The following ERC2 variants were observed in gnomAD, a reference collection of about 807,000 sequenced individuals.
ERC2 encodes the protein ERC protein 2.
Under a neutral mutation model 114.8 loss-of-function variants are expected in ERC2, and 42 were observed. The ratio of observed to expected loss-of-function variants is 0.37; its 90% CI spans 0.29 to 0.47. ERC2 has a LOEUF of 0.47. Among genes scored for constraint, ERC2 ranks in the 20% least tolerant of loss-of-function variants. The pLI is 0.99. For missense variants in ERC2, 939 were observed against 1,150.7 expected (o/e 0.82, Z 2.66); for synonymous variants, 454 against 425.5 (o/e 1.07, Z -0.82).
intron 16 of ERC2, among the ~76,000 whole-genome samples, chr3:55,686,468 T>C (rs1041434343): frequency 3.9e-5 from 6 of 152,124 alleles, no homozygotes; most frequent in African/African-American, 1.4e-4. Context: ...GAGTGTCCGT[T>C]TGGGGAATAA....
chr3:55,979,630 T>C (rs1367172898), intron 12 of ERC2, among the ~76,000 whole-genome samples: 1 of 152,222 alleles, frequency 6.6e-6, no homozygotes, highest in African/African-American at 2.4e-5. Flanking sequence ...TATATTAACA[T>C]GGCTACCAAT....
intron 17 of ERC2, among the ~76,000 whole-genome samples, chr3:55,553,280 A>T (rs2055356155): frequency 6.6e-6 from 1 of 151,718 alleles, no homozygotes; most frequent in Non-Finnish European, 1.5e-5. Context: ...TCAGCCTCCC[A>T]AAGTGCTGGG....
At chr3:56,350,802 AT>A (rs753014616) in intron 2 of ERC2, among the ~76,000 whole-genome samples, 14 of 152,366 alleles carry the variant, frequency 9.2e-5, no homozygotes, top group South Asian at 2.1e-4. Context: ...CAAAAAGGCC[AT>A]GATTCTCATG....
chr3:55,971,832 C>T (rs1029917521), intron 12 of ERC2, among the ~76,000 whole-genome samples: 1 of 152,198 alleles, frequency 6.6e-6, no homozygotes, highest in Admixed American at 6.5e-5. Flanking sequence ...CTTCTGTACC[C>T]TTTATCTTCA....
intron 13 of ERC2, among the ~76,000 whole-genome samples, chr3:55,929,439 A>G (rs2065942102): frequency 6.6e-6 from 1 of 152,152 alleles, no homozygotes; most frequent in South Asian, 2.1e-4. Flanking sequence ...CAAGTTTTGT[A>G]TATTTTTTTC....
intron 14 of ERC2, among the ~76,000 whole-genome samples, chr3:55,865,135 A>C (rs908506196): frequency 2.0e-5 from 3 of 152,184 alleles, no homozygotes; most frequent in Admixed American, 6.5e-5. Flanking sequence ...TCTAGGTTAT[A>C]ACATAATGAC....
At chr3:56,305,057 A>G (rs1286478115) in intron 2 of ERC2, among the ~76,000 whole-genome samples, 2 of 152,142 alleles carry the variant, frequency 1.3e-5, no homozygotes, top group Non-Finnish European at 2.9e-5. Flanking sequence ...ATTATCATCA[A>G]TTGTATTATG....
intron 17 of ERC2, among the ~76,000 whole-genome samples, chr3:55,515,448 A>C (rs1475989647): frequency 6.6e-6 from 1 of 151,702 alleles, no homozygotes; most frequent in Non-Finnish European, 1.5e-5. Context: ...GCTCACTGCA[A>C]CCTCTGTCTC....
intron 15 of ERC2, among the ~76,000 whole-genome samples, chr3:55,733,542 T>TCTCTCTCTCTCACACA (rs377515133): frequency 9.3e-6 from 1 of 107,806 alleles, no homozygotes; most frequent in African/African-American, 3.7e-5. Context: ...TCTCTCTCTC[T>TCTCTCTCTCTCACACA]CACACACACA....
intron 17 of ERC2, among the ~76,000 whole-genome samples, chr3:55,660,224 C>T (rs1164623776): frequency 1.3e-5 from 2 of 152,112 alleles, no homozygotes; most frequent in Admixed American, 6.5e-5. Flanking sequence ...CACATCAACC[C>T]GCACCCCCAC....
At chr3:56,343,580 T>C (rs2058189891) in intron 2 of ERC2, among the ~76,000 whole-genome samples, 1 of 152,180 alleles carries the variant, frequency 6.6e-6, no homozygotes, top group Admixed American at 6.5e-5. Context: ...ATCACCTTAC[T>C]GCATTCCAGC....
At chr3:55,908,953 T>TAATA (rs1359145294) in intron 13 of ERC2, among the ~76,000 whole-genome samples, 2 of 152,194 alleles carry the variant, frequency 1.3e-5, no homozygotes, top group African/African-American at 4.8e-5. Context: ...GTCCCTCGAA[T>TAATA]AATAACACAT....
intron 5 of ERC2, among the ~76,000 whole-genome samples, chr3:56,141,945 C>T (rs1165198941): frequency 1.3e-5 from 2 of 152,104 alleles, no homozygotes; most frequent in African/African-American, 2.4e-5. Context: ...TATAGCCTTC[C>T]GAATGAAGTA....
At chr3:56,146,048 AG>A (rs1418178122) in intron 5 of ERC2, among the ~76,000 whole-genome samples, 1 of 152,154 alleles carries the variant, frequency 6.6e-6, no homozygotes, top group East Asian at 1.9e-4. Flanking sequence ...GCACTTTGGG[AG>A]GCTGAGGCAG....
rs572118144 is a variant in ERC2, at chr3:55,742,836, G to C, written c.2565-7918C>G. 9.4e-4 allele frequency among the ~76,000 whole-genome samples: 143 copies of C among 152,300 alleles called. 1 individual carries two copies. Among genetic ancestry groups the C allele is most frequent in the Middle Eastern group, 3.4e-3 (1 of 294 alleles). The stretch of plus-strand genomic sequence containing the variant: ...GCTGTGTTTTCAAATGGCATCTTGA[G>C]AAAGAAAAGTTCTTTGATATCAATT... On this transcript the variant is annotated intron_variant, in intron 14 of 17. Coordinates refer to ENST00000288221, the MANE Select transcript of ERC2 (RefSeq NM_015576.3).
chr3:56,220,852 T>C (rs2049853843), intron 3 of ERC2, among the ~76,000 whole-genome samples: 1 of 152,066 alleles, frequency 6.6e-6, no homozygotes, highest in African/African-American at 2.4e-5. Flanking sequence ...CTACTAAGAC[T>C]CTTAAGGTCG....
chr3:56,047,072 C>T (rs1233196240), intron 7 of ERC2, among the ~76,000 whole-genome samples: 1 of 152,128 alleles, frequency 6.6e-6, no homozygotes, highest in Non-Finnish European at 1.5e-5. Flanking sequence ...ATTCAGGGTC[C>T]CTTAAACTTT....
intron 15 of ERC2, among the ~76,000 whole-genome samples, chr3:55,726,751 C>T (rs1209830589): frequency 6.6e-6 from 1 of 152,026 alleles, no homozygotes; most frequent in Non-Finnish European, 1.5e-5. Flanking sequence ...TTTTTTTCTG[C>T]AAACCCCATG....
intron 7 of ERC2, among the ~76,000 whole-genome samples, chr3:56,032,889 G>GAAAGAAAGAAAGAA (rs1560055876): frequency 5.6e-5 from 5 of 88,590 alleles, no homozygotes; most frequent in African/African-American, 1.1e-4. Context: ...GAAAGAAAGA[G>GAAAGAAAGAAAGAA]AGAGAGAGAG....
Sources: allele counts gnomAD v4.1 joint callset (sites outside exome capture counted in the v4.1 genomes callset), GRCh38; gene constraint gnomAD v4.1.1; transcripts MANE v1.5; gene names NCBI Gene and HGNC (gene_info 2026-07-23, HGNC 2026-07-21).